The following LRBA variants were observed in gnomAD, a reference collection of about 807,000 sequenced individuals.
The protein encoded by LRBA is lipopolysaccharide-responsive and beige-like anchor protein.
Under a neutral mutation model 330.0 loss-of-function variants are expected in LRBA, and 176 were observed. The observed-to-expected ratio is 0.53, with a 90% confidence interval of 0.47 to 0.60. LRBA has a LOEUF of 0.60. Ranked by LOEUF, LRBA falls within the 20% of genes least tolerant of loss-of-function variation. The pLI is 0.00. For missense variants in LRBA, 3,259 were observed against 3,444.8 expected, an observed-to-expected ratio of 0.95 and a Z score of 1.35; for synonymous variants, 1,230 against 1,193.0, an observed-to-expected ratio of 1.03 and a Z score of -0.64.
intron 37 of LRBA, among the ~76,000 whole-genome samples, chr4:150,604,486 A>G (rs1774435146): frequency 6.6e-6 from 1 of 152,168 alleles, no homozygotes; most frequent in Non-Finnish European, 1.5e-5. Context: ...CAAATATTCT[A>G]ATAAAATACC....
intron 2 of LRBA, among the ~76,000 whole-genome samples, chr4:150,983,936 T>C (rs1250509582): frequency 6.6e-6 from 1 of 152,200 alleles, no homozygotes; most frequent in Non-Finnish European, 1.5e-5. Flanking sequence ...ATTCATTTAT[T>C]CATTTATTTA....
chr4:150,805,446 G>GGAAA (rs1742538646), intron 33 of LRBA, among the ~76,000 whole-genome samples: 27 of 39,740 alleles, frequency 6.8e-4, no homozygotes, highest in Admixed American at 1.5e-3. Context: ...AGGAAGGAAA[G>GGAAA]GGAAAGGAAA....
chr4:150,450,339 C>T (rs554557614), intron 44 of LRBA, among the ~76,000 whole-genome samples: 6 of 152,146 alleles, frequency 3.9e-5, no homozygotes, highest in Non-Finnish European at 8.8e-5. Context: ...CCTCAGAGTT[C>T]TTGAGGCTAG....
At chr4:150,735,229 T>A in intron 36 of LRBA, 29 bp downstream of exon 36, 1 of 1,510,336 alleles carries the variant, frequency 6.6e-7, no homozygotes, top group Non-Finnish European at 9.2e-7. Flanking sequence ...AACGGTAACT[T>A]CCGCACACCA....
chr4:150,506,356 G>T (rs1453739939), intron 40 of LRBA, among the ~76,000 whole-genome samples: 2 of 152,150 alleles, frequency 1.3e-5, no homozygotes, highest in Non-Finnish European at 2.9e-5. Context: ...AAATCCAGCA[G>T]CACATCAAAA....
chr4:150,587,959 T>C (rs1201898614), intron 40 of LRBA, 89 bp downstream of exon 40: 1 of 1,402,932 alleles, frequency 7.1e-7, no homozygotes, highest in Non-Finnish European at 9.5e-7. Flanking sequence ...AAATTCAAAC[T>C]AAGCCTGTCA....
At chr4:150,721,100 C>G (rs1251138821) in intron 36 of LRBA, 15 of 589,366 alleles carry the variant, frequency 2.5e-5, no homozygotes, top group South Asian at 2.1e-4. Flanking sequence ...CAGCAGATGT[C>G]CAGTTACACA....
chr4:150,770,018 C>T (rs1430194421), intron 34 of LRBA, among the ~76,000 whole-genome samples: 1 of 152,180 alleles, frequency 6.6e-6, no homozygotes, highest in Non-Finnish European at 1.5e-5. Flanking sequence ...TGTTCCACAA[C>T]AGATCAGCAT....
chr4:150,788,239 A>ATTTTTTTTTTTTTTTTT (rs377479266), intron 34 of LRBA, among the ~76,000 whole-genome samples: 1 of 123,238 alleles, frequency 8.1e-6, no homozygotes, highest in African/African-American at 3.9e-5. Context: ...CACCCGGTTA[A>ATTTTTTTTTTTTTTTTT]TTTTTTTTTT....
intron 2 of LRBA, among the ~76,000 whole-genome samples, chr4:150,941,717 T>C (rs2149527764): frequency 6.6e-6 from 1 of 152,122 alleles, no homozygotes; most frequent in African/African-American, 2.4e-5. Flanking sequence ...GGGAACCCCG[T>C]CTCTAATAAA....
intron 34 of LRBA, among the ~76,000 whole-genome samples, chr4:150,786,690 A>C (rs1325736363): frequency 1.3e-5 from 2 of 152,210 alleles, no homozygotes; most frequent in Non-Finnish European, 2.9e-5. Flanking sequence ...AACTATCAGC[A>C]GCACTCTGAC....
At chr4:150,967,016 C>A (rs1738978062) in intron 2 of LRBA, among the ~76,000 whole-genome samples, 1 of 152,150 alleles carries the variant, frequency 6.6e-6, no homozygotes, top group African/African-American at 2.4e-5. Context: ...TATTTGAGAT[C>A]TACTATTTAC....
chr4:150,992,185 G>A (rs564205600), intron 2 of LRBA, among the ~76,000 whole-genome samples: 30 of 152,044 alleles, frequency 2.0e-4, no homozygotes, highest in Middle Eastern at 3.4e-3. Flanking sequence ...ACACAGTAGC[G>A]TGCGCCTGTA....
At chr4:150,645,952 A>G (rs1779098653) in intron 37 of LRBA, among the ~76,000 whole-genome samples, 1 of 149,420 alleles carries the variant, frequency 6.7e-6, no homozygotes, top group Non-Finnish European at 1.5e-5. Context: ...ATTGTACTCA[A>G]TAGATATATT....
chr4:150,445,377 C>CTCTCTCTCTCTCTA (rs1454079183), intron 44 of LRBA, among the ~76,000 whole-genome samples: 5 of 78,602 alleles, frequency 6.4e-5, no homozygotes, highest in African/African-American at 1.3e-4. Flanking sequence ...CTCTCTCTCT[C>CTCTCTCTCTCTCTA]TATATATATA....
intron 46 of LRBA, among the ~76,000 whole-genome samples, chr4:150,419,077 A>T (rs1309505543): frequency 1.3e-5 from 2 of 152,138 alleles, no homozygotes; most frequent in African/African-American, 4.8e-5. Flanking sequence ...CTCTATGTGA[A>T]ATAGAAGAAA....
intron 40 of LRBA, among the ~76,000 whole-genome samples, chr4:150,534,181 T>C (rs1764368662): frequency 6.6e-6 from 1 of 151,496 alleles, no homozygotes; most frequent in Non-Finnish European, 1.5e-5. Context: ...AATTACAATG[T>C]TATATTTTAT....
chr4:150,434,980 A>G (rs1477013988), intron 46 of LRBA, among the ~76,000 whole-genome samples: 1 of 152,060 alleles, frequency 6.6e-6, no homozygotes, highest in East Asian at 1.9e-4. Flanking sequence ...AAAATAAAAA[A>G]AACACTCTAC....
intron 34 of LRBA, among the ~76,000 whole-genome samples, chr4:150,777,468 T>G (rs1294664683): frequency 1.3e-5 from 2 of 152,188 alleles, no homozygotes; most frequent in East Asian, 3.8e-4. Flanking sequence ...AGGTTTAGGT[T>G]CTTCAATGAA....
Sources: allele counts gnomAD v4.1 joint callset (sites outside exome capture counted in the v4.1 genomes callset), GRCh38; gene constraint gnomAD v4.1.1; transcripts MANE v1.5; gene names NCBI Gene and HGNC (gene_info 2026-07-23, HGNC 2026-07-21).